The following BICD1 variants were observed in gnomAD, a reference collection of about 807,000 sequenced individuals.
BICD1 encodes protein bicaudal D homolog 1.
Under a neutral mutation model 92.5 loss-of-function variants are expected in BICD1, and 35 were observed. The observed-to-expected ratio is 0.38, with a 90% CI of 0.29 to 0.50. The LOEUF is 0.50. Among genes scored for constraint, BICD1 ranks in the 20% least tolerant of loss-of-function variants. The pLI is 0.93. For synonymous variants in BICD1, 429 were observed against 465.1 expected, an observed-to-expected ratio of 0.92 and a Z score of 1.00; for missense variants, 950 against 1,189.8, an observed-to-expected ratio of 0.80 and a Z score of 2.97.
At chr12:32,301,730 A>G (rs1159482924) in intron 3 of BICD1, among the ~76,000 whole-genome samples, 2 of 151,996 alleles carry the variant, frequency 1.3e-5, no homozygotes, top group African/African-American at 4.8e-5. Flanking sequence ...AGCTGTGATC[A>G]AGCCACTGTA....
chr12:32,352,710 A>T (rs161766), intron 8 of BICD1: 150,498 of 152,096 alleles, frequency 0.99, 74,478 homozygotes, highest in East Asian at 1. Context: ...AGAACTGAAA[A>T]TGTACATTTA....
chr12:32,200,494 C>A (rs935714552), intron 1 of BICD1, among the ~76,000 whole-genome samples: 1 of 152,144 alleles, frequency 6.6e-6, no homozygotes, highest in Non-Finnish European at 1.5e-5. Flanking sequence ...TTAACAAGCT[C>A]ATCGTTTCTG....
At chr12:32,151,437 G>A (rs1281198604) in intron 1 of BICD1, among the ~76,000 whole-genome samples, 1 of 152,186 alleles carries the variant, frequency 6.6e-6, no homozygotes, top group African/African-American at 2.4e-5. Context: ...GTACAGCTTT[G>A]GCTAAATCAC....
At chr12:32,239,542 G>C (rs919506495) in intron 2 of BICD1, among the ~76,000 whole-genome samples, 10 of 149,954 alleles carry the variant, frequency 6.7e-5, no homozygotes, top group Admixed American at 5.9e-4. Context: ...CTCCAGTGCA[G>C]TGGAGTGCAG....
intron 2 of BICD1, among the ~76,000 whole-genome samples, chr12:32,236,976 G>A (rs564009583): frequency 1.4e-5 from 2 of 143,524 alleles, no homozygotes; most frequent in Admixed American, 7.4e-5. Flanking sequence ...CTGGGTTCAC[G>A]CCATTCTCCT....
chr12:32,158,735 C>G (rs1198044974), intron 1 of BICD1, among the ~76,000 whole-genome samples: 1 of 152,170 alleles, frequency 6.6e-6, no homozygotes, highest in African/African-American at 2.4e-5. Context: ...CTGCTGCATC[C>G]TGCAGTGTGA....
chr12:32,263,865 C>T (rs1380452345), intron 2 of BICD1, among the ~76,000 whole-genome samples: 1 of 152,182 alleles, frequency 6.6e-6, no homozygotes, highest in Non-Finnish European at 1.5e-5. Flanking sequence ...TGCTGTCTAG[C>T]AGAGTGCTTT....
intron 4 of BICD1, among the ~76,000 whole-genome samples, chr12:32,312,636 G>C (rs1565662775): frequency 6.6e-6 from 1 of 152,138 alleles, no homozygotes; most frequent in Admixed American, 6.6e-5. Context: ...TTACTGAATT[G>C]TATGCCTTCC....
chr12:32,268,898 C>T (rs1186194630), intron 2 of BICD1, among the ~76,000 whole-genome samples: 1 of 152,204 alleles, frequency 6.6e-6, no homozygotes, highest in African/African-American at 2.4e-5. Flanking sequence ...AGCCAACCTA[C>T]TTATGAGCAT....
chr12:32,153,861 GTA>G (rs1226932707), intron 1 of BICD1, among the ~76,000 whole-genome samples: 1 of 151,054 alleles, frequency 6.6e-6, no homozygotes, highest in East Asian at 1.9e-4. Context: ...TAAACATCAT[GTA>G]TATATGATGT....
chr12:32,342,142 G>GTA (rs1200865311), intron 8 of BICD1, among the ~76,000 whole-genome samples: 1 of 143,542 alleles, frequency 7.0e-6, no homozygotes, highest in Admixed American at 7.0e-5. Context: ...ATATATGTGT[G>GTA]TATATATATG....
At chr12:32,183,589 A>G (rs1385705122) in intron 1 of BICD1, among the ~76,000 whole-genome samples, 10 of 152,198 alleles carry the variant, frequency 6.6e-5, no homozygotes. Flanking sequence ...AAAAAGGAAT[A>G]TTGATTTTCA....
At chr12:32,177,992 G>C (rs1276031440) in intron 1 of BICD1, among the ~76,000 whole-genome samples, 3 of 151,096 alleles carry the variant, frequency 2.0e-5, no homozygotes, top group African/African-American at 7.3e-5. Flanking sequence ...TGACTACTTT[G>C]TGCTAATATG....
At chr12:32,126,297 C>G (rs1716935) in intron 1 of BICD1, among the ~76,000 whole-genome samples, 43,958 of 151,848 alleles carry the variant, frequency 0.29, 6,601 homozygotes, top group Admixed American at 0.43. Flanking sequence ...CCAATGGGCT[C>G]TCACCACGGT....
At chr12:32,212,644 G>A (rs771713701) in intron 1 of BICD1, among the ~76,000 whole-genome samples, 4 of 152,122 alleles carry the variant, frequency 2.6e-5, no homozygotes, top group Admixed American at 6.5e-5. Context: ...GACTGGTTTC[G>A]AACGCCTGAC....
At chr12:32,129,503 C>T (rs1313624116) in intron 1 of BICD1, among the ~76,000 whole-genome samples, 4 of 127,222 alleles carry the variant, frequency 3.1e-5, no homozygotes, top group Non-Finnish European at 4.7e-5. Context: ...CCAGCCTGGG[C>T]GACAGAGCGA....
At chr12:32,175,203 CAAAT>C (rs1284682666) in intron 1 of BICD1, among the ~76,000 whole-genome samples, 1 of 152,164 alleles carries the variant, frequency 6.6e-6, no homozygotes, top group Non-Finnish European at 1.5e-5. Context: ...TCTGGCAGGA[CAAAT>C]GAATGAATGC....
intron 1 of BICD1, among the ~76,000 whole-genome samples, chr12:32,122,323 A>G (rs1323720294): frequency 1.3e-5 from 2 of 151,922 alleles, no homozygotes; most frequent in South Asian, 2.1e-4. Flanking sequence ...CCCCGTCTCT[A>G]TGAAAAATAC....
intron 4 of BICD1, among the ~76,000 whole-genome samples, chr12:32,307,171 A>T (rs1365203809): frequency 1.3e-5 from 2 of 152,226 alleles, no homozygotes; most frequent in Non-Finnish European, 2.9e-5. Context: ...TTATGGTTAC[A>T]TTTCACAGGA....
Sources: allele counts gnomAD v4.1 joint callset (sites outside exome capture counted in the v4.1 genomes callset), GRCh38; gene constraint gnomAD v4.1.1; transcripts MANE v1.5; gene names NCBI Gene and HGNC (gene_info 2026-07-23, HGNC 2026-07-21).